FOXK1: variants seen among roughly 807,000 people sequenced by gnomAD.
FOXK1 encodes forkhead box K1.
In FOXK1, 19 loss-of-function variants were observed where a neutral mutation model predicts 51.9. That is an observed-to-expected ratio of 0.37 (90% confidence interval 0.26 to 0.54). FOXK1 has a LOEUF of 0.54. Among genes scored for constraint, FOXK1 ranks in the 20% least tolerant of loss-of-function variants. The probability of loss-of-function intolerance (pLI) is 0.87; values close to 1 mark genes in which losing one functional copy is unlikely to be tolerated. For missense variants in FOXK1, 870 were observed against 1,032.7 expected (o/e 0.84, Z 2.16); for synonymous variants, 537 against 482.6 (o/e 1.11, Z -1.48).
At position 4,750,338 on chromosome 7, in the gene FOXK1, T is replaced by G. The variant is rs536062034; in HGVS notation, c.747-4121T>G. On this transcript the variant is annotated intron_variant, in intron 2 of 8. Coordinates refer to ENST00000328914, the MANE Select transcript of FOXK1 (RefSeq NM_001037165.2). ...AGGAGTGATTCCCTGTTTCCTGGAA[T>G]TGAGCTGGTGGTCCCTGTCAGGGAG... is the stretch of plus-strand genomic sequence containing the variant. 6.5e-4 allele frequency among the ~76,000 whole-genome samples: 99 copies of G among 152,262 alleles called. 2 individuals are homozygous for G. Among genetic ancestry groups the G allele is most frequent in the Admixed American group, 6.4e-3 (98 of 15,290 alleles).
rs913998433 is a variant in FOXK1, at chr7:4,749,800, G to A, written c.747-4659G>A. Among the ~76,000 whole-genome samples the A allele has an allele frequency of 2.6e-5, 4 of 152,356 alleles. 1 individual carries two copies. The highest frequency in any genetic ancestry group is 4.1e-4 in the South Asian group (2 of 4,830). On this transcript the variant is annotated intron_variant, in intron 2 of 8. Transcript: ENST00000328914. This position sits in a 1 kb window ranked among gnomAD's most constrained non-coding sequence, Gnocchi z 6.0. ...AAGGCTTGTCTTAGGCTCTGGGGAC[G>A]GAGCCCAGCTGGCGGCTCCAGAGGT...
rs1290724689 is a variant in FOXK1, at chr7:4,765,651, T to C, written c.*3187T>C. On this transcript the variant is annotated 3_prime_UTR_variant, in exon 9 of 9. Transcript: ENST00000328914. ...AGCGGATGAGAACAGCAGGTCACAGTAGTGGCTTTGGGAAGGGCCCCTCCT... is the reference window on the plus strand; with the variant it reads ...AGCGGATGAGAACAGCAGGTCACAGCAGTGGCTTTGGGAAGGGCCCCTCCT... The C allele has an allele frequency of 6.6e-6, 1 of 152,292 alleles. No individual in the cohort carries two copies. The highest frequency in any genetic ancestry group is 2.4e-5 in the African/African-American group (1 of 41,440). 9.4% of individuals were successfully genotyped at this position (152,292 alleles called of 1,614,324 possible). A position where few individuals can be genotyped will look rare whatever the true frequency, so the allele number is the denominator to read the frequency against.
rs563327927 is a variant in FOXK1, at chr7:4,731,539, C to T, written c.561-9299C>T. Among the ~76,000 whole-genome samples, 17 of 152,268 alleles carry T rather than the reference C, an allele frequency of 1.1e-4. No homozygotes were observed. The highest frequency in any genetic ancestry group is 1.8e-4 in the Non-Finnish European group (12 of 68,016). ...CTTTGGGAGGCCAAAGCGGGTGCAT[C>T]ACCTGAGGTCAGGAGTTCAAGACCA... On this transcript the variant is annotated intron_variant, in intron 1 of 8. Coordinates refer to ENST00000328914, the MANE Select transcript of FOXK1 (RefSeq NM_001037165.2). The surrounding 1 kb of genome is among the most constrained non-coding windows in gnomAD (Gnocchi z 5.3).
In FOXK1 at chr7:4,730,932, C is replaced by T. The variant is rs6947096; in HGVS notation, c.561-9906C>T. 0.035 allele frequency among the ~76,000 whole-genome samples: 5,397 copies of T among 152,052 alleles called. 326 individuals carry two copies. Among genetic ancestry groups the T allele is most frequent in the African/African-American group, 0.12 (5,139 of 41,438 alleles). ...CTGCAATCCCAGCACTTTGGGAGGC[C>T]GAGGCAGGAGGATCCCTTGAGGCCA... is the stretch of plus-strand genomic sequence containing the variant. On this transcript the variant is annotated intron_variant, in intron 1 of 8. Transcript: ENST00000328914. The surrounding 1 kb of genome is among the most constrained non-coding windows in gnomAD (Gnocchi z 4.7).
At chr7:4,714,220 A>T (rs1250541604) in intron 1 of FOXK1, among the ~76,000 whole-genome samples, 1 of 152,136 alleles carries the variant, frequency 6.6e-6, no homozygotes, top group African/African-American at 2.4e-5. Context: ...TGTCACCTTT[A>T]CAAGACAGAA....
At chr7:4,727,107 G>A (rs1281963667) in intron 1 of FOXK1, among the ~76,000 whole-genome samples, 1 of 151,550 alleles carries the variant, frequency 6.6e-6, no homozygotes, top group African/African-American at 2.4e-5. Context: ...CACTATGCCA[G>A]GCTAATTTTT....
chr7:4,761,942 A>T lies in FOXK1; in HGVS notation c.1922-242A>T, dbSNP rs1780937940. ...AGGCAAGCCGTCGATGTCCAGCAGG[A>T]TCTAGACAGCAATGAGAGGGGCCTC... On this transcript the variant is annotated intron_variant, in intron 8 of 8. Transcript: ENST00000328914. The surrounding 1 kb of genome is among the most constrained non-coding windows in gnomAD (Gnocchi z 6.2). Among the ~76,000 whole-genome samples, 1 of 152,020 alleles carries T rather than the reference A, an allele frequency of 6.6e-6. No individual in the cohort carries two copies. The highest frequency in any genetic ancestry group is 6.6e-5 in the Admixed American group (1 of 15,264).
At position 4,759,508 on chromosome 7, in the gene FOXK1, G is replaced by A. The variant is rs752984376; in HGVS notation, c.1609G>A (p.Gly537Arg). 6.3e-7 allele frequency: 1 copy of A among 1,575,012 alleles called. No individual in the cohort carries two copies. ...VVTTSANSANGYILTSQGAAG... is the reference protein window; with the variant it reads ...VVTTSANSANRYILTSQGAAG... ...CACCACATCTGCCAACTCGGCCAAC[G>A]GATACATCCTCACCAGCCAGGGCGC... The change falls in exon 7 of 9, where the codon GGA (glycine) becomes AGA (arginine). Residue 537 changes from glycine (G) to arginine (R), a missense_variant. Around this residue, in one of 3 missense-constraint regions of FOXK1, gnomAD observed 457 missense variants for 510.8 expected, o/e 0.89. Coordinates refer to ENST00000328914, the MANE Select transcript of FOXK1 (RefSeq NM_001037165.2).
At position 4,755,228 on chromosome 7, in the gene FOXK1, T is replaced by A. The variant is rs748312345; in HGVS notation, c.904-9T>A. The A allele has an allele frequency of 6.2e-7, 1 of 1,613,192 alleles. No homozygotes were observed. The highest frequency in any genetic ancestry group is 1.7e-4 in the Middle Eastern group (1 of 6,054). ...TGGAGCTCATCCCGTGAGCCGTGTT[T>A]CTCCGCAGGATGAGTCAAAGCCGCC... On this transcript the variant is annotated splice_polypyrimidine_tract_variant and intron_variant, in intron 3 of 8. Transcript: ENST00000328914. This position sits in a 1 kb window ranked among gnomAD's most constrained non-coding sequence, Gnocchi z 6.6.
chr7:4,701,495 C>T (rs1780020908), intron 1 of FOXK1, among the ~76,000 whole-genome samples: 1 of 152,180 alleles, frequency 6.6e-6, no homozygotes, highest in East Asian at 1.9e-4. Flanking sequence ...GTGGCTCACA[C>T]CAGTAATCCC....
At chr7:4,741,734 A>G (rs1410125917) in intron 2 of FOXK1, among the ~76,000 whole-genome samples, 2 of 152,372 alleles carry the variant, frequency 1.3e-5, no homozygotes, top group African/African-American at 4.8e-5. Flanking sequence ...ATTAATCTAG[A>G]TTTTGAAGAA....
In FOXK1 at chr7:4,709,566, A is replaced by G. The variant is rs1036196604; in HGVS notation, c.560+26698A>G. On this transcript the variant is annotated intron_variant, in intron 1 of 8. Coordinates refer to ENST00000328914, the MANE Select transcript of FOXK1 (RefSeq NM_001037165.2). This position sits in a 1 kb window ranked among gnomAD's most constrained non-coding sequence, Gnocchi z 5.6. ...GACCTTCTCCGGGAGCCCTGTGCAC[A>G]GTTGGCTTCGCAGCAGGCCTGTGTG... 1.5e-4 allele frequency among the ~76,000 whole-genome samples: 23 copies of G among 152,166 alleles called. No homozygotes were observed. The highest frequency in any genetic ancestry group is 2.6e-4 in the Admixed American group (4 of 15,276).
Position 4,755,266 on chromosome 7 carries a change from G to A in FOXK1, c.933G>A (p.Ala311=), listed in dbSNP as rs191900938. ...KDESKPPFSY[A]QLIVQAISSA... is the part of the protein sequence containing the mutation. ...AGTCAAAGCCGCCGTTCTCCTACGC[G>A]CAGCTGATCGTGCAGGCCATCTCCT... Residue 311 remains alanine (A), a synonymous_variant, in exon 4 of 9, where the codon GCG becomes GCA. Coordinates refer to ENST00000328914, the MANE Select transcript of FOXK1 (RefSeq NM_001037165.2). This position sits in a 1 kb window ranked among gnomAD's most constrained non-coding sequence, Gnocchi z 6.6. 133 of 1,614,000 alleles carry A rather than the reference G, an allele frequency of 8.2e-5. No homozygotes were observed. In the Middle Eastern group the frequency reaches 1.5e-3, roughly 18 times the overall value.
chr7:4,759,822 G>A (rs1285343838), intron 7 of FOXK1: 10 of 595,000 alleles, frequency 1.7e-5, no homozygotes, highest in Admixed American at 3.3e-5. Flanking sequence ...CTTGAGGTCC[G>A]GAGTTCGAGG....
At position 4,759,507 on chromosome 7, in the gene FOXK1, C is replaced by T. The variant is rs765637261; in HGVS notation, c.1608C>T (p.Asn536=). 7.6e-6 allele frequency: 12 copies of T among 1,574,684 alleles called. No individual in the cohort carries two copies. In the African/African-American group the frequency reaches 1.3e-4, roughly 18 times the overall value. ...RVVTTSANSA[N]GYILTSQGAA... ...TCACCACATCTGCCAACTCGGCCAA[C>T]GGATACATCCTCACCAGCCAGGGCG... Residue 536 remains asparagine, a synonymous_variant, in exon 7 of 9, where the codon AAC becomes AAT. Coordinates refer to ENST00000328914, the MANE Select transcript of FOXK1 (RefSeq NM_001037165.2).
intron 1 of FOXK1, among the ~76,000 whole-genome samples, chr7:4,724,610 T>C (rs1366293789): frequency 2.0e-5 from 3 of 152,224 alleles, no homozygotes; most frequent in African/African-American, 7.2e-5. Context: ...TGTGTGTGTG[T>C]GCGCTGCGTG....
Position 4,682,330 on chromosome 7 carries a change from A to T in FOXK1, c.22A>T (p.Ser8Cys). Residue 8 changes from serine (S) to cysteine (C), a missense_variant, in exon 1 of 9, where the codon AGC becomes TGC. Transcript: ENST00000328914. The surrounding 1 kb of genome is among the most constrained non-coding windows in gnomAD (Gnocchi z 7.6). MAEVGED[S>C]GARALLALRS... ...GAACATGGCCGAAGTCGGCGAGGAC[A>T]GCGGCGCCCGCGCCCTGCTCGCGCT... 1.0e-6 allele frequency: 1 copy of T among 993,498 alleles called. No homozygotes were observed. The allele number at this position is 993,498 out of a possible 1,614,324, so 61.5% of individuals were successfully genotyped here.
chr7:4,762,362 C>G lies in FOXK1; in HGVS notation c.2100C>G (p.Pro700=). The G allele has an allele frequency of 6.4e-7, 1 of 1,550,552 alleles. No individual in the cohort carries two copies. The highest frequency in any genetic ancestry group is 8.7e-7 in the Non-Finnish European group (1 of 1,146,952). The change falls in exon 9 of 9, where the codon CCC becomes CCG. Residue 700 remains proline, a synonymous_variant. Transcript: ENST00000328914. The surrounding 1 kb of genome is among the most constrained non-coding windows in gnomAD (Gnocchi z 5.7). ...ASASASSTGE[P]EVKRSRVEEP... is the part of the protein sequence containing the mutation. Reference sequence around the variant, plus strand: ...CCTCCGCCTCTTCCACTGGAGAGCCCGAGGTCAAAAGGTCCCGGGTGGAGG... The same window carrying G: ...CCTCCGCCTCTTCCACTGGAGAGCCGGAGGTCAAAAGGTCCCGGGTGGAGG...
At position 4,762,711 on chromosome 7, in the gene FOXK1, C is replaced by A. The variant is rs1276214504; in HGVS notation, c.*247C>A. On this transcript the variant is annotated 3_prime_UTR_variant, in exon 9 of 9. Coordinates refer to ENST00000328914, the MANE Select transcript of FOXK1 (RefSeq NM_001037165.2). The surrounding 1 kb of genome is among the most constrained non-coding windows in gnomAD (Gnocchi z 5.7). ...TCTGGGAATTCTTTGCTTTCCTTTC[C>A]TTCTCCCTCGGCACCACCTCCTCTC... 4 of 519,116 alleles carry A rather than the reference C, an allele frequency of 7.7e-6. No homozygotes were observed. Among genetic ancestry groups the A allele is most frequent in the African/African-American group, 7.7e-5 (4 of 51,998 alleles). 32.2% of individuals were successfully genotyped at this position (519,116 alleles called of 1,614,324 possible).
Sources: allele counts gnomAD v4.1 joint callset (sites outside exome capture counted in the v4.1 genomes callset), GRCh38; gene constraint gnomAD v4.1.1; regional missense constraint gnomAD v4.1.1; non-coding constraint Gnocchi (gnomAD v3.1); transcripts MANE v1.5; gene names NCBI Gene and HGNC (gene_info 2026-07-23, HGNC 2026-07-21).